CEACAM1: variants seen among roughly 807,000 people sequenced by gnomAD.
CEACAM1 encodes the protein CEA cell adhesion molecule 1, also known as cell adhesion molecule CEACAM1.
Under a neutral mutation model 49.1 loss-of-function variants are expected in CEACAM1, and 31 were observed. The observed-to-expected ratio is 0.63, with a 90% confidence interval of 0.47 to 0.85. CEACAM1 has a LOEUF of 0.85. Among genes scored for constraint, CEACAM1 ranks in the 40% least tolerant of loss-of-function variants. The pLI is 0.00. For synonymous variants in CEACAM1, 244 were observed against 247.8 expected (o/e 0.98, Z 0.14); for missense variants, 570 against 645.3 (o/e 0.88, Z 1.26).
At chr19:42,512,188 A>G (rs2041474675) in intron 6 of CEACAM1, among the ~76,000 whole-genome samples, 162 bp downstream of exon 6, 1 of 152,252 alleles carries the variant, frequency 6.6e-6, no homozygotes, top group Admixed American at 6.5e-5. Flanking sequence ...GGGAGCACGA[A>G]GACCAGGGAA....
chr19:42,521,454 G>A lies in CEACAM1; in HGVS notation c.771C>T (p.Leu257=). 1 of 1,614,224 alleles carries A rather than the reference G, an allele frequency of 6.2e-7. No individual in the cohort carries two copies. Among genetic ancestry groups the A allele is most frequent in the Non-Finnish European group, 8.5e-7 (1 of 1,180,042 alleles). Residue 257 remains leucine, a synonymous_variant, in exon 4 of 9, where the codon CTC becomes CTT. Coordinates refer to ENST00000161559, the MANE Select transcript of CEACAM1 (RefSeq NM_001712.5). ...TYYRPGANLS[L]SCYAASNPPA... ...GTGGGTTAGAGGCTGCATAGCAGGA[G>A]AGGCTGAGGTTTGCCCCTGGACGGT...
chr19:42,526,793 C>T (rs2041902166), intron 2 of CEACAM1, among the ~76,000 whole-genome samples: 1 of 152,144 alleles, frequency 6.6e-6, no homozygotes, highest in Non-Finnish European at 1.5e-5. Flanking sequence ...TGAGACTGGT[C>T]TCCCCTCGAT....
chr19:42,524,721 G>T (rs1053946987), intron 2 of CEACAM1, among the ~76,000 whole-genome samples: 1 of 152,130 alleles, frequency 6.6e-6, no homozygotes, highest in Admixed American at 6.5e-5. Flanking sequence ...GGAAAATGAG[G>T]ACATGGAGGA....
chr19:42,525,341 C>T (rs1233536334), intron 2 of CEACAM1, among the ~76,000 whole-genome samples: 1 of 151,634 alleles, frequency 6.6e-6, no homozygotes, highest in Non-Finnish European at 1.5e-5. Flanking sequence ...TCTACCACCT[C>T]AGCATCCCAA....
chr19:42,512,770 C>T (rs2041492450), intron 5 of CEACAM1, among the ~76,000 whole-genome samples: 1 of 151,874 alleles, frequency 6.6e-6, no homozygotes, highest in Non-Finnish European at 1.5e-5. Flanking sequence ...CTCCGCCTCC[C>T]AGGTTCAAGC....
Position 42,522,202 on chromosome 19 carries a change from G to A in CEACAM1, c.425C>T (p.Pro142Leu), listed in dbSNP as rs373994942. 1.1e-5 allele frequency: 17 copies of A among 1,614,086 alleles called. No individual in the cohort carries two copies. The East Asian group carries it at 1.3e-4, about 13-fold the overall frequency. The change falls in exon 3 of 9, where the codon CCG becomes CTG. Residue 142 changes from proline to leucine, a missense_variant and splice_region_variant. Physicochemically the swap from Pro to Leu is moderately conservative, Grantham distance 98 (BLOSUM62 -3). Coordinates refer to ENST00000161559, the MANE Select transcript of CEACAM1 (RefSeq NM_001712.5). Reference protein sequence around the residue: ...EEATGQFHVYPELPKPSISSN... With the variant: ...EEATGQFHVYLELPKPSISSN... ...GGAGATGGAGGGCTTGGGCAGCTCC[G>A]CTATGCAGAAAACAGAGAGAAGATT...
intron 5 of CEACAM1, 129 bp from the exon 6 acceptor site, chr19:42,512,608 G>A: frequency 1.2e-6 from 1 of 866,624 alleles, no homozygotes; most frequent in Non-Finnish European, 1.8e-6. Flanking sequence ...TTGTGGGAAG[G>A]TTGCTGGAAG....
chr19:42,519,086 C>T lies in CEACAM1; in HGVS notation c.1108G>A (p.Glu370Lys). Residue 370 changes from glutamate (E) to lysine (K), a missense_variant, in exon 5 of 9, where the codon GAG becomes AAG. Glu to Lys is a moderately conservative substitution (Grantham distance 56). Coordinates refer to ENST00000161559, the MANE Select transcript of CEACAM1 (RefSeq NM_001712.5). ...FFKNQSLPSS[E>K]RMKLSQGNTT... Reference sequence around the variant, plus strand: ...TTGCCCTGGGACAGCTTCATCCTCTCCGAGGACGGGAGACTCTGGTTTTTG... The same window carrying T: ...TTGCCCTGGGACAGCTTCATCCTCTTCGAGGACGGGAGACTCTGGTTTTTG... 1 of 1,614,102 alleles carries T rather than the reference C, an allele frequency of 6.2e-7. No individual in the cohort carries two copies. The highest frequency in any genetic ancestry group is 8.5e-7 in the Non-Finnish European group (1 of 1,180,006).
chr19:42,511,334 T>A (rs1390967498), intron 7 of CEACAM1: 2 of 588,962 alleles, frequency 3.4e-6, no homozygotes, highest in Non-Finnish European at 6.0e-6. Context: ...CCTGGAAACA[T>A]GGGATCTTCC....
At chr19:42,527,016 C>A in intron 2 of CEACAM1, 25 bp downstream of exon 2, 2 of 1,579,538 alleles carry the variant, frequency 1.3e-6, no homozygotes, top group African/African-American at 2.7e-5. Context: ...CCCCCAACAC[C>A]CAGAGGTCAT....
chr19:42,526,960 G>A, intron 2 of CEACAM1, 81 bp downstream of exon 2: 6 of 1,559,890 alleles, frequency 3.8e-6, no homozygotes, highest in Non-Finnish European at 5.2e-6. Context: ...GAGGACACAG[G>A]CACAGCCCAG....
intron 5 of CEACAM1, among the ~76,000 whole-genome samples, chr19:42,514,350 T>C (rs2041546320): frequency 6.6e-6 from 1 of 152,044 alleles, no homozygotes; most frequent in Non-Finnish European, 1.5e-5. Context: ...AGGCTGGTCT[T>C]GAACTCCCGA....
intron 2 of CEACAM1, 30 bp from the exon 3 acceptor site, chr19:42,522,232 T>C: frequency 6.2e-7 from 1 of 1,611,908 alleles, no homozygotes; most frequent in Non-Finnish European, 8.5e-7. Context: ...AAGATTGCCC[T>C]GTGTGGCACC....
In CEACAM1 at chr19:42,507,876, A is replaced by G. The variant is rs1297590552; in HGVS notation, c.*1233T>C. On this transcript the variant is annotated 3_prime_UTR_variant, in exon 9 of 9. Coordinates refer to ENST00000161559, the MANE Select transcript of CEACAM1 (RefSeq NM_001712.5). ...CCTTAGCAGAGGCCAAGGTTTCCTG[A>G]CAAAGTGAATGGGGGCAAACAGAAA... The G allele has an allele frequency of 1.3e-5, 2 of 152,276 alleles. No homozygotes were observed. The highest frequency in any genetic ancestry group is 6.5e-5 in the Admixed American group (1 of 15,288). The allele number at this position is 152,276 out of a possible 1,614,324, so 9.4% of individuals were successfully genotyped here.
intron 3 of CEACAM1, 24 bp downstream of exon 3, chr19:42,521,900 C>T (rs762313130): frequency 1.2e-6 from 2 of 1,614,110 alleles, no homozygotes; most frequent in Admixed American, 3.3e-5. Context: ...CAGCCTGGGC[C>T]ACAGAGGAAC....
At chr19:42,524,596 G>C (rs908624183) in intron 2 of CEACAM1, among the ~76,000 whole-genome samples, 1 of 152,178 alleles carries the variant, frequency 6.6e-6, no homozygotes, top group Admixed American at 6.5e-5. Context: ...TGGGAGGTGG[G>C]CCTGGCCACA....
chr19:42,516,946 C>A, intron 5 of CEACAM1: 1 of 377,760 alleles, frequency 2.6e-6, no homozygotes, highest in South Asian at 2.0e-5. Flanking sequence ...AATCCAAAAG[C>A]TACAGTAATC....
chr19:42,514,484 G>T (rs1334961909), intron 5 of CEACAM1, among the ~76,000 whole-genome samples: 1 of 152,106 alleles, frequency 6.6e-6, no homozygotes, highest in African/African-American at 2.4e-5. Flanking sequence ...CCACTATATT[G>T]CCTAGGCTGG....
At chr19:42,512,557 T>G in intron 5 of CEACAM1, 78 bp from the exon 6 acceptor site, 1 of 1,376,952 alleles carries the variant, frequency 7.3e-7, no homozygotes, top group South Asian at 1.2e-5. Context: ...ACTCTCAGAA[T>G]GAAGTAGTTT....
Sources: allele counts gnomAD v4.1 joint callset (sites outside exome capture counted in the v4.1 genomes callset), GRCh38; gene constraint gnomAD v4.1.1; transcripts MANE v1.5; gene names NCBI Gene and HGNC (gene_info 2026-07-23, HGNC 2026-07-21).